Variants in SLC45A1 observed in about 807,000 individuals in gnomAD.
SLC45A1 encodes proton-associated sugar transporter A.
Under a neutral mutation model 57.6 loss-of-function variants are expected in SLC45A1, and 28 were observed. The ratio of observed to expected loss-of-function variants is 0.49; its 90% CI spans 0.36 to 0.67. The LOEUF is 0.67. SLC45A1 is among the 30% of genes least tolerant of loss of function. The pLI, the probability that SLC45A1 is intolerant of heterozygous loss-of-function variation, is 0.00. For synonymous variants in SLC45A1, 459 were observed against 471.5 expected (o/e 0.97, Z 0.34); for missense variants, 814 against 1,041.5 (o/e 0.78, Z 3.01).
Position 8,325,956 on chromosome 1 carries a change from C to T in SLC45A1, c.629C>T (p.Ala210Val), listed in dbSNP as rs150539474. 9.6e-5 allele frequency: 155 copies of T among 1,613,086 alleles called. No individual in the cohort carries two copies. The highest frequency in any genetic ancestry group is 1.7e-4 in the Admixed American group (10 of 60,008). ...VVLMDFSADS[A>V]DNPSHAYMMD... is the part of the protein sequence containing the mutation. The stretch of plus-strand genomic sequence containing the variant: ...CTGATGGACTTTAGCGCCGACTCGG[C>T]GGACAACCCCAGCCACGCCTACATG... Residue 210 changes from alanine to valine, a missense_variant, in exon 4 of 9, where the codon GCG (alanine) becomes GTG (valine). Ala to Val is a moderately conservative substitution (Grantham distance 64). Coordinates refer to ENST00000471889, the MANE Select transcript of SLC45A1 (RefSeq NM_001080397.3). The surrounding 1 kb of genome is among the most constrained non-coding windows in gnomAD (Gnocchi z 6.3).
chr1:8,341,648 C>T (rs1003396422), intron 8 of SLC45A1, among the ~76,000 whole-genome samples: 5 of 148,550 alleles, frequency 3.4e-5, no homozygotes, highest in African/African-American at 5.0e-5. Context: ...AAAGGCCAAA[C>T]GCAGTAGCTC....
chr1:8,340,918 C>T (rs887796674), intron 8 of SLC45A1, among the ~76,000 whole-genome samples: 7 of 152,036 alleles, frequency 4.6e-5, no homozygotes, highest in Admixed American at 1.3e-4. Context: ...GGGGTCCGGG[C>T]GTGGTGGCTC....
Position 8,324,721 on chromosome 1 carries a change from T to A in SLC45A1, c.392T>A (p.Ile131Asn). The A allele has an allele frequency of 6.3e-7, 1 of 1,583,480 alleles. No homozygotes were observed. The highest frequency in any genetic ancestry group is 8.6e-7 in the Non-Finnish European group (1 of 1,163,924). ...LYSLVWFISP[I>N]LGFLLQPLLG... is the part of the protein sequence containing the mutation. ...AGCCTGGTGTGGTTCATCAGCCCCA[T>A]CCTCGGTGAGCCCCGGCTCCTCCCC... is the stretch of plus-strand genomic sequence containing the variant. Residue 131 changes from isoleucine to asparagine, a missense_variant, in exon 2 of 9, where the codon ATC (isoleucine) becomes AAC (asparagine). Ile to Asn is a moderately radical substitution (Grantham distance 149). Coordinates refer to ENST00000471889, the MANE Select transcript of SLC45A1 (RefSeq NM_001080397.3).
At chr1:8,321,126 C>G (rs2124282566) in intron 1 of SLC45A1, among the ~76,000 whole-genome samples, 1 of 152,288 alleles carries the variant, frequency 6.6e-6, no homozygotes, top group Middle Eastern at 3.4e-3. Flanking sequence ...GAAGACCTGC[C>G]AATCACCAGG....
chr1:8,339,715 G>T lies in SLC45A1; in HGVS notation c.1980+17G>T. Reference sequence around the variant, plus strand: ...AGTAAGAAGGTAAGTGCTCTCCCTTGTCTTGCTTCGGGTCTGCTTCTTGGA... The same window carrying T: ...AGTAAGAAGGTAAGTGCTCTCCCTTTTCTTGCTTCGGGTCTGCTTCTTGGA... On this transcript the variant is annotated intron_variant, in intron 8 of 8. Coordinates refer to ENST00000471889, the MANE Select transcript of SLC45A1 (RefSeq NM_001080397.3). The T allele has an allele frequency of 1.2e-6, 2 of 1,610,600 alleles. No homozygotes were observed. The highest frequency in any genetic ancestry group is 1.1e-5 in the South Asian group (1 of 91,014).
Position 8,324,450 on chromosome 1 carries a change from C to T in SLC45A1, c.121C>T (p.His41Tyr). The change falls in exon 2 of 9, where the codon CAC becomes TAC. Residue 41 changes from histidine to tyrosine, a missense_variant. Transcript: ENST00000471889. ...GGGGTCCGTGACACGACACCTCAGT[C>T]ACCGGGCCAACAACTTCAAACGACA... ...YSGSVTRHLS[H>Y]RANNFKRHPK... is the part of the protein sequence containing the mutation. The T allele has an allele frequency of 2.5e-6, 4 of 1,612,874 alleles. No homozygotes were observed. Among genetic ancestry groups the T allele is most frequent in the Non-Finnish European group, 3.4e-6 (4 of 1,180,004 alleles).
rs1452573995 is a variant in SLC45A1, at chr1:8,325,942, T to C, written c.615T>C (p.Phe205=). ...TGTGCGGTGTGGTGCTGATGGACTT[T>C]AGCGCCGACTCGGCGGACAACCCCA... The part of the protein sequence containing the change: ...LTVCGVVLMD[F]SADSADNPSH... The change falls in exon 4 of 9, where the codon TTT becomes TTC. Residue 205 remains phenylalanine, a synonymous_variant. Coordinates refer to ENST00000471889, the MANE Select transcript of SLC45A1 (RefSeq NM_001080397.3). This position sits in a 1 kb window ranked among gnomAD's most constrained non-coding sequence, Gnocchi z 6.3. The C allele has an allele frequency of 3.7e-6, 6 of 1,613,824 alleles. No individual in the cohort carries two copies. The highest frequency in any genetic ancestry group is 5.1e-6 in the Non-Finnish European group (6 of 1,180,024).
rs368154825 is a variant in SLC45A1 at position 8,330,608 on chromosome 1, A to G, written c.1115A>G (p.Asn372Ser). ...SEFASSFGTA[N>S]IDSVLIDCFT... ...TTCGCCTCATCCTTTGGCACGGCCA[A>G]CATAGACAGCGTCCTCATTGACTGC... is the stretch of plus-strand genomic sequence containing the variant. The change falls in exon 5 of 9, where the codon AAC becomes AGC. Residue 372 changes from asparagine to serine, a missense_variant. Asn to Ser is a conservative substitution (Grantham distance 46, BLOSUM62 1). Transcript: ENST00000471889. This position sits in a 1 kb window ranked among gnomAD's most constrained non-coding sequence, Gnocchi z 8.4. 6.2e-7 allele frequency: 1 copy of G among 1,613,618 alleles called. No homozygotes were observed. The highest frequency in any genetic ancestry group is 1.1e-5 in the South Asian group (1 of 91,090).
chr1:8,343,669 C>T lies in SLC45A1; in HGVS notation c.1981-78C>T, dbSNP rs746976671. 1.8e-4 allele frequency: 268 copies of T among 1,520,590 alleles called. No homozygotes were observed. Among genetic ancestry groups the T allele is most frequent in the Non-Finnish European group, 2.2e-4 (250 of 1,127,272 alleles). The allele number at this position is 1,520,590 out of a possible 1,614,324, so 94.2% of individuals were successfully genotyped here. ...GTGTGGGCCGCTCGGGCCTCCTGGGCTCGCAGGACACACCGAGCTCGGTCA... is the reference window on the plus strand; with the variant it reads ...GTGTGGGCCGCTCGGGCCTCCTGGGTTCGCAGGACACACCGAGCTCGGTCA... On this transcript the variant is annotated intron_variant, in intron 8 of 8. Transcript: ENST00000471889. The surrounding 1 kb of genome is among the most constrained non-coding windows in gnomAD (Gnocchi z 7.7).
At position 8,330,230 on chromosome 1, in the gene SLC45A1, A is replaced by G. The variant is rs1557562499; in HGVS notation, c.737A>G (p.Tyr246Cys). ...CCAGGTCTCGGAGGAGGCTTTGGAT[A>G]CGTGGTCGGCGGAATCCACTGGGAT... ...LLAGLGGGFG[Y>C]VVGGIHWDKT... Residue 246 changes from tyrosine (Y) to cysteine (C), a missense_variant, in exon 5 of 9, where the codon TAC (tyrosine) becomes TGC (cysteine). Transcript: ENST00000471889. This position sits in a 1 kb window ranked among gnomAD's most constrained non-coding sequence, Gnocchi z 8.4. 2 of 1,613,748 alleles carry G rather than the reference A, an allele frequency of 1.2e-6. No homozygotes were observed. The highest frequency in any genetic ancestry group is 1.7e-6 in the Non-Finnish European group (2 of 1,179,892).
At chr1:8,341,933 T>C (rs574113899) in intron 8 of SLC45A1, among the ~76,000 whole-genome samples, 32 of 138,088 alleles carry the variant, frequency 2.3e-4, no homozygotes, top group Admixed American at 1.0e-3. Context: ...ATAGGCCGGG[T>C]GCGGTGGCTC....
Position 8,330,042 on chromosome 1 carries a change from C to G in SLC45A1, c.716-167C>G, listed in dbSNP as rs773230733. 1 of 844,444 alleles carries G rather than the reference C, an allele frequency of 1.2e-6. No homozygotes were observed. Among genetic ancestry groups the G allele is most frequent in the Non-Finnish European group, 1.8e-6 (1 of 550,456 alleles). The allele number at this position is 844,444 out of a possible 1,614,324, so 52.3% of individuals were successfully genotyped here. A position where few individuals can be genotyped will look rare whatever the true frequency, so the allele number is the denominator to read the frequency against. Reference sequence around the variant, plus strand: ...AGGAGGGGGACCTCCTCAAGGGGCCCGCCCTGGGAATCCTGTCCCATTTTG... The same window carrying G: ...AGGAGGGGGACCTCCTCAAGGGGCCGGCCCTGGGAATCCTGTCCCATTTTG... On this transcript the variant is annotated intron_variant, in intron 4 of 8. Transcript: ENST00000471889. This position sits in a 1 kb window ranked among gnomAD's most constrained non-coding sequence, Gnocchi z 8.4.
In SLC45A1 at chr1:8,331,212, C is replaced by G. The variant is rs113437078; in HGVS notation, c.1443+276C>G. 1.4e-3 allele frequency among the ~76,000 whole-genome samples: 220 copies of G among 152,082 alleles called. 3 individuals are homozygous for G. The highest frequency in any genetic ancestry group is 4.8e-3 in the African/African-American group (200 of 41,474). On this transcript the variant is annotated intron_variant, in intron 5 of 8. Coordinates refer to ENST00000471889, the MANE Select transcript of SLC45A1 (RefSeq NM_001080397.3). ...GCAACGTGGCGAAACCCCGTCTCTA[C>G]TTTTTAGTATTTTAGTATTTTTAAA...
chr1:8,341,425 C>T (rs1640811984), intron 8 of SLC45A1, among the ~76,000 whole-genome samples: 1 of 150,834 alleles, frequency 6.6e-6, no homozygotes, highest in Non-Finnish European at 1.5e-5. Context: ...GTCCCAGCTA[C>T]ACGGGAGGCT....
intron 7 of SLC45A1, among the ~76,000 whole-genome samples, chr1:8,338,605 G>C (rs878943250): frequency 6.6e-6 from 1 of 152,216 alleles, no homozygotes; most frequent in Non-Finnish European, 1.5e-5. Flanking sequence ...TGGTATTTCC[G>C]GCTTTGCCGG....
chr1:8,321,757 T>G (rs1247035401), intron 1 of SLC45A1, among the ~76,000 whole-genome samples: 1 of 151,640 alleles, frequency 6.6e-6, no homozygotes, highest in Non-Finnish European at 1.5e-5. Context: ...GGATAGTTTT[T>G]GGATAGACAG....
chr1:8,323,529 G>T (rs1393023071), intron 1 of SLC45A1, among the ~76,000 whole-genome samples: 4 of 151,772 alleles, frequency 2.6e-5, no homozygotes, highest in Non-Finnish European at 4.4e-5. Flanking sequence ...GAAGCTGGGG[G>T]GTGGGGATCT....
chr1:8,342,173 C>G (rs1324050579), intron 8 of SLC45A1, among the ~76,000 whole-genome samples: 3 of 152,226 alleles, frequency 2.0e-5, no homozygotes, highest in African/African-American at 7.2e-5. Flanking sequence ...TGCCACTGCA[C>G]TCCAGCCTGG....
intron 1 of SLC45A1, among the ~76,000 whole-genome samples, chr1:8,319,444 T>A (rs1164062397): frequency 5.9e-5 from 9 of 152,230 alleles, no homozygotes; most frequent in Non-Finnish European, 5.9e-5. Context: ...TTACTTTTAT[T>A]AATCATTTGC....
Sources: allele counts gnomAD v4.1 joint callset (sites outside exome capture counted in the v4.1 genomes callset), GRCh38; gene constraint gnomAD v4.1.1; non-coding constraint Gnocchi (gnomAD v3.1); transcripts MANE v1.5; gene names NCBI Gene and HGNC (gene_info 2026-07-23, HGNC 2026-07-21).